TNIP3: variants seen among roughly 807,000 people sequenced by gnomAD.
The protein encoded by TNIP3 is TNFAIP3 interacting protein 3.
In TNIP3, 34 loss-of-function variants were observed where a neutral mutation model predicts 54.1. The observed-to-expected ratio is 0.63, with a 90% CI of 0.48 to 0.84. TNIP3 has a LOEUF of 0.84. Ranked by LOEUF, TNIP3 falls within the 40% of genes least tolerant of loss-of-function variation. The probability of loss-of-function intolerance (pLI) is 0.00; values close to 1 mark genes in which losing one functional copy is unlikely to be tolerated. For missense variants in TNIP3, 366 were observed against 387.6 expected (o/e 0.94, Z 0.47); for synonymous variants, 134 against 136.8 (o/e 0.98, Z 0.14).
intron 9 of TNIP3, 126 bp downstream of exon 9, chr4:121,141,690 A>G (rs1303469409): frequency 1.2e-5 from 7 of 563,024 alleles, no homozygotes; most frequent in Non-Finnish European, 1.7e-5. Context: ...CAACTTTGCA[A>G]GTTAGAGGCT....
chr4:121,147,136 C>T lies in TNIP3; in HGVS notation c.648G>A (p.Ser216=), dbSNP rs35546916. ...IYEEDFKKER[S]DRERLNQEKE... Reference sequence around the variant, plus strand: ...TCTCTTGATTAAGTCTCTCTCGATCCGATCGTTCCTTTTTGAAGTCTTCTT... The same window carrying T: ...TCTCTTGATTAAGTCTCTCTCGATCTGATCGTTCCTTTTTGAAGTCTTCTT... Residue 216 remains serine, a synonymous_variant, in exon 7 of 11, where the codon TCG becomes TCA. Coordinates refer to ENST00000057513, the MANE Select transcript of TNIP3 (RefSeq NM_024873.6). 122 of 1,612,476 alleles carry T rather than the reference C, an allele frequency of 7.6e-5. No homozygotes were observed. In the African/African-American group the frequency reaches 1.2e-3, roughly 16 times the overall value.
chr4:121,138,534 G>C (rs1728921470), intron 10 of TNIP3, 90 bp downstream of exon 10: 1 of 1,246,054 alleles, frequency 8.0e-7, no homozygotes, highest in South Asian at 1.2e-5. Flanking sequence ...TCCTCCCCAA[G>C]TACGAATGAA....
At chr4:121,160,516 A>T (rs919969747) in intron 2 of TNIP3, among the ~76,000 whole-genome samples, 13 of 152,150 alleles carry the variant, frequency 8.5e-5, no homozygotes, top group African/African-American at 3.1e-4. Flanking sequence ...GACAATATAC[A>T]GAGTGCTAAA....
chr4:121,154,887 T>C (rs575471613), intron 4 of TNIP3, among the ~76,000 whole-genome samples: 2 of 152,108 alleles, frequency 1.3e-5, no homozygotes, highest in African/African-American at 4.8e-5. Context: ...ATTGAAGGAA[T>C]CTTTCTTTTA....
intron 3 of TNIP3, among the ~76,000 whole-genome samples, chr4:121,179,842 GAT>G (rs1339339357): frequency 1.3e-5 from 2 of 151,930 alleles, no homozygotes; most frequent in African/African-American, 4.8e-5. Flanking sequence ...ATGACAAGCA[GAT>G]ATAGCAGGAA....
At chr4:121,189,051 A>G (rs555435088) in intron 2 of TNIP3, among the ~76,000 whole-genome samples, 1 of 152,322 alleles carries the variant, frequency 6.6e-6, no homozygotes, top group Admixed American at 6.5e-5. Context: ...AATTACATTC[A>G]ATAGGAAAAA....
chr4:121,214,760 TATA>T (rs1726689827), intron 2 of TNIP3, among the ~76,000 whole-genome samples: 1 of 152,222 alleles, frequency 6.6e-6, no homozygotes, highest in Non-Finnish European at 1.5e-5. Context: ...AGGTTGTCAG[TATA>T]ATAACTTCAT....
intron 5 of TNIP3, among the ~76,000 whole-genome samples, chr4:121,153,128 C>A (rs1242128497): frequency 1.3e-5 from 2 of 152,100 alleles, no homozygotes; most frequent in African/African-American, 4.8e-5. Flanking sequence ...TATTTTTTCT[C>A]ATTGAGATTT....
At chr4:121,218,187 T>C (rs907997222), upstream of TNIP3, among the ~76,000 whole-genome samples, 12 of 152,208 alleles carry the variant, frequency 7.9e-5, no homozygotes, top group Non-Finnish European at 1.3e-4. Context: ...ATCATAACAC[T>C]ATATTTCTTA....
At chr4:121,172,959 T>C (rs1370054221) in intron 3 of TNIP3, among the ~76,000 whole-genome samples, 1 of 152,234 alleles carries the variant, frequency 6.6e-6, no homozygotes, top group African/African-American at 2.4e-5. Context: ...TTTGCTTCAA[T>C]CTGAACTTCA....
chr4:121,191,584 T>C (rs1293123141), intron 2 of TNIP3, among the ~76,000 whole-genome samples: 1 of 152,212 alleles, frequency 6.6e-6, no homozygotes. Context: ...ATAGTTGTCC[T>C]TTAACTTATC....
At chr4:121,221,045 A>G (rs1284857391), upstream of TNIP3, among the ~76,000 whole-genome samples, 1 of 152,168 alleles carries the variant, frequency 6.6e-6, no homozygotes, top group Non-Finnish European at 1.5e-5. Flanking sequence ...TGCTCTTTAA[A>G]AATTTTTGGT....
chr4:121,218,768 A>C (rs192780596), upstream of TNIP3, among the ~76,000 whole-genome samples: 1 of 131,324 alleles, frequency 7.6e-6, no homozygotes, highest in African/African-American at 3.8e-5. Context: ...CTCCCTCAGG[A>C]TCCTGAGTAG....
At position 121,132,604 on chromosome 4, in the gene TNIP3, G is replaced by C. The variant is rs1405342987; in HGVS notation, c.*27C>G. Reference sequence around the variant, plus strand: ...CCTCAGCCACGCTCCCTCGTTGCCTGTTGTCTCTCTCTGTTAGTGTGTACT... The same window carrying C: ...CCTCAGCCACGCTCCCTCGTTGCCTCTTGTCTCTCTCTGTTAGTGTGTACT... On this transcript the variant is annotated 3_prime_UTR_variant, in exon 11 of 11. Transcript: ENST00000057513. 6.2e-7 allele frequency: 1 copy of C among 1,610,964 alleles called. No homozygotes were observed. Among genetic ancestry groups the C allele is most frequent in the Admixed American group, 1.7e-5 (1 of 59,952 alleles).
At chr4:121,221,827 C>G (rs1309406296) in intron 1 of TNIP3, among the ~76,000 whole-genome samples, 1 of 152,166 alleles carries the variant, frequency 6.6e-6, no homozygotes, top group East Asian at 1.9e-4. Context: ...CTATTTCCTT[C>G]TAAGAAGTCT....
chr4:121,207,538 T>G (rs116430428), intron 2 of TNIP3, among the ~76,000 whole-genome samples: 162 of 152,356 alleles, frequency 1.1e-3, no homozygotes, highest in African/African-American at 3.8e-3. Context: ...AATGCTTTAT[T>G]TAACTACTTT....
intron 2 of TNIP3, chr4:121,216,287 A>G (rs1464800256): frequency 5.3e-6 from 4 of 750,236 alleles, no homozygotes; most frequent in East Asian, 2.8e-5. Context: ...TTCCTTTTCT[A>G]TTCTATATAG....
chr4:121,176,736 A>G (rs1724380287), intron 3 of TNIP3, among the ~76,000 whole-genome samples: 1 of 151,844 alleles, frequency 6.6e-6, no homozygotes, highest in South Asian at 2.1e-4. Flanking sequence ...GTGTGGTTAC[A>G]GAAAACATGT....
intron 2 of TNIP3, among the ~76,000 whole-genome samples, chr4:121,182,975 A>G (rs1724801203): frequency 6.6e-6 from 1 of 152,206 alleles, no homozygotes; most frequent in Non-Finnish European, 1.5e-5. Flanking sequence ...ACTTTGAAAG[A>G]GCATTAGAGT....
Sources: gnomAD v4.1 joint callset for allele counts (sites outside exome capture counted in the v4.1 genomes callset) on GRCh38, gnomAD v4.1.1 for gene constraint, MANE v1.5 for transcripts, NCBI Gene and HGNC (gene_info 2026-07-23, HGNC 2026-07-21) for gene names.